FAT4: variants seen among roughly 807,000 people sequenced by gnomAD.
FAT4 encodes the protein protocadherin Fat 4.
FAT4 carries 84 observed loss-of-function variants against 303.9 expected under a neutral mutation model. The observed-to-expected ratio is 0.28, with a 90% CI of 0.23 to 0.33. The LOEUF (loss-of-function observed/expected upper bound fraction) is 0.33. FAT4 is among the 10% of genes least tolerant of loss of function. The pLI, the probability that FAT4 is intolerant of heterozygous loss-of-function variation, is 1.00. For missense variants in FAT4, 6,005 were observed against 6,146.8 expected, an observed-to-expected ratio of 0.98 and a Z score of 0.77; for synonymous variants, 2,307 against 2,298.8, an observed-to-expected ratio of 1.00 and a Z score of -0.10.
intron 2 of FAT4, among the ~76,000 whole-genome samples, chr4:125,377,137 G>A (rs1733360322): frequency 6.6e-6 from 1 of 151,996 alleles, no homozygotes; most frequent in African/African-American, 2.4e-5. Flanking sequence ...AGATGTCATA[G>A]ACCTTTTTTC....
chr4:125,341,592 T>C lies in FAT4; in HGVS notation c.5175+20006T>C, dbSNP rs1020752632. On this transcript the variant is annotated intron_variant, in intron 2 of 17. Transcript: ENST00000394329. ...ACATCTTTTTAAAGTTCTGACTGTA[T>C]TGTGCAATGTCTTTTAATTCATGTG... is the stretch of plus-strand genomic sequence containing the variant. Among the ~76,000 whole-genome samples the C allele has an allele frequency of 6.6e-5, 10 of 152,124 alleles. 1 individual carries two copies. The highest frequency in any genetic ancestry group is 6.5e-4 in the Admixed American group (10 of 15,276).
intron 2 of FAT4, among the ~76,000 whole-genome samples, chr4:125,323,649 G>A (rs1731041893): frequency 6.6e-6 from 1 of 152,150 alleles, no homozygotes; most frequent in Admixed American, 6.5e-5. Flanking sequence ...GAAAGCAGTG[G>A]TTGTGAGCTA....
chr4:125,406,046 T>G (rs1168887771), intron 3 of FAT4, among the ~76,000 whole-genome samples: 3 of 152,176 alleles, frequency 2.0e-5, no homozygotes, highest in African/African-American at 7.2e-5. Context: ...ACTTGTCTGC[T>G]TTTGCTTATG....
chr4:125,421,803 T>C (rs1265525585), intron 7 of FAT4, among the ~76,000 whole-genome samples: 1 of 152,156 alleles, frequency 6.6e-6, no homozygotes, highest in Non-Finnish European at 1.5e-5. Flanking sequence ...AGATAAGCAG[T>C]GTGCTAGAAC....
At chr4:125,457,948 C>T (rs960001714) in intron 10 of FAT4, among the ~76,000 whole-genome samples, 61 of 152,054 alleles carry the variant, frequency 4.0e-4, no homozygotes, top group Non-Finnish European at 6.3e-4. Context: ...GTAACCACAT[C>T]AACATTTGTC....
At chr4:125,333,399 A>G (rs953343603) in intron 2 of FAT4, among the ~76,000 whole-genome samples, 6 of 152,204 alleles carry the variant, frequency 3.9e-5, no homozygotes, top group Admixed American at 3.9e-4. Flanking sequence ...GATTTTTAAC[A>G]TCATTTTAAT....
At chr4:125,432,804 A>G (rs961440497) in intron 7 of FAT4, among the ~76,000 whole-genome samples, 1 of 81,894 alleles carries the variant, frequency 1.2e-5, no homozygotes, top group African/African-American at 4.7e-5. Flanking sequence ...AACACTTAAT[A>G]TAAAATATCT....
rs1346597295 is a variant in FAT4 at position 125,416,492 on chromosome 4, A to G, written c.6888A>G (p.Ser2296=). The stretch of plus-strand genomic sequence containing the variant: ...ATCGAGGATCTAACAGCAAACTCTC[A>G]TATGTTCTGTTTGGTGGTAATGAAG... ...DDDRGSNSKL[S]YVLFGGNEDN... Residue 2296 remains serine (S), a synonymous_variant, in exon 7 of 18, where the codon TCA becomes TCG. Transcript: ENST00000394329. 1.9e-5 allele frequency: 31 copies of G among 1,613,758 alleles called. No individual in the cohort carries two copies. The highest frequency in any genetic ancestry group is 2.6e-5 in the Non-Finnish European group (31 of 1,179,858).
At chr4:125,475,364 A>T (rs1485653407) in intron 12 of FAT4, among the ~76,000 whole-genome samples, 1 of 152,014 alleles carries the variant, frequency 6.6e-6, no homozygotes, top group African/African-American at 2.4e-5. Flanking sequence ...TTGTATGGTT[A>T]TCATGTTCTG....
At chr4:125,434,671 G>T (rs776829335) in intron 8 of FAT4, among the ~76,000 whole-genome samples, 1 of 151,842 alleles carries the variant, frequency 6.6e-6, no homozygotes, top group South Asian at 2.1e-4. Flanking sequence ...TGGTTTTGTG[G>T]TTTGGGACTA....
intron 16 of FAT4, among the ~76,000 whole-genome samples, chr4:125,485,293 T>A (rs926260896): frequency 1.3e-5 from 2 of 152,160 alleles, no homozygotes; most frequent in African/African-American, 4.8e-5. Context: ...TTAAAATTTT[T>A]AACTTTTTTC....
At chr4:125,448,342 A>G in intron 9 of FAT4, 119 bp from the exon 10 acceptor site, 2 of 899,892 alleles carry the variant, frequency 2.2e-6, no homozygotes, top group Non-Finnish European at 3.4e-6. Flanking sequence ...TCTCCCTAGT[A>G]ATCATGAGAA....
chr4:125,428,929 G>C (rs1158499290), intron 7 of FAT4, among the ~76,000 whole-genome samples: 1 of 152,016 alleles, frequency 6.6e-6, no homozygotes, highest in East Asian at 1.9e-4. Flanking sequence ...ATTATATCCT[G>C]CCTCTTTGTG....
rs1224835252 is a variant in FAT4, at chr4:125,414,825, A to G, written c.5921-59A>G. On this transcript the variant is annotated intron_variant, in intron 5 of 17. Coordinates refer to ENST00000394329, the MANE Select transcript of FAT4 (RefSeq NM_001291303.3). ...CAAATTACTTGCTAAAAGTTTTGGT[A>G]TAGCTTGTTCTGCAATCAGCATATG... 8.4e-6 allele frequency: 10 copies of G among 1,193,000 alleles called. No individual in the cohort carries two copies. In the East Asian group the frequency reaches 2.4e-4, roughly 28 times the overall value. 73.9% of individuals were successfully genotyped at this position (1,193,000 alleles called of 1,614,324 possible).
chr4:125,422,283 T>C (rs1406530908), intron 7 of FAT4, among the ~76,000 whole-genome samples: 1 of 152,216 alleles, frequency 6.6e-6, no homozygotes, highest in Non-Finnish European at 1.5e-5. Context: ...AATCAAACTA[T>C]GGTGCTAATT....
chr4:125,332,843 A>G (rs1466765959), intron 2 of FAT4, among the ~76,000 whole-genome samples: 2 of 152,158 alleles, frequency 1.3e-5, no homozygotes, highest in Non-Finnish European at 2.9e-5. Flanking sequence ...ACTAATGATT[A>G]AAACGTTTTC....
chr4:125,403,086 T>G (rs1734449228), intron 3 of FAT4, among the ~76,000 whole-genome samples: 1 of 152,074 alleles, frequency 6.6e-6, no homozygotes, highest in Admixed American at 6.6e-5. Flanking sequence ...CCATCATGTT[T>G]CTCTTATAAG....
chr4:125,357,364 A>T (rs1239624827), intron 2 of FAT4, among the ~76,000 whole-genome samples: 2 of 152,138 alleles, frequency 1.3e-5, no homozygotes, highest in Non-Finnish European at 2.9e-5. Context: ...AGTTAAATTG[A>T]TACAGATTCT....
intron 7 of FAT4, among the ~76,000 whole-genome samples, chr4:125,424,801 C>A (rs1045382447): frequency 6.6e-6 from 1 of 151,976 alleles, no homozygotes; most frequent in Non-Finnish European, 1.5e-5. Flanking sequence ...AATTAACTGG[C>A]GAGAGAGTGT....
Sources: gnomAD v4.1 joint callset for allele counts (sites outside exome capture counted in the v4.1 genomes callset) on GRCh38, gnomAD v4.1.1 for gene constraint, MANE v1.5 for transcripts, NCBI Gene and HGNC (gene_info 2026-07-23, HGNC 2026-07-21) for gene names.